Variants in TPM1 observed in about 807,000 individuals in gnomAD.
TPM1 encodes the protein tropomyosin alpha-1 chain.
In TPM1, 24 loss-of-function variants were observed where a neutral mutation model predicts 42.9. The observed-to-expected ratio is 0.56, with a 90% CI of 0.41 to 0.79. The LOEUF (loss-of-function observed/expected upper bound fraction) is 0.79, where lower values mean the gene tolerates loss of function less well. TPM1 is among the 30% of genes least tolerant of loss of function. TPM1 has a pLI of 0.00. For synonymous variants in TPM1, 136 were observed against 130.1 expected (o/e 1.05, Z -0.31); for missense variants, 158 against 351.8 (o/e 0.45, Z 4.41).
At chr15:63,068,057 CAT>C (rs2036383622), downstream of TPM1, among the ~76,000 whole-genome samples, 1 of 152,222 alleles carries the variant, frequency 6.6e-6, no homozygotes, top group Admixed American at 6.5e-5. Context: ...CCTGGCCAAA[CAT>C]TTGGGCTCAG....
chr15:63,059,516 A>C (rs1383905744), intron 3 of TPM1, 47 bp from the exon 4 acceptor site: 1 of 1,487,158 alleles, frequency 6.7e-7, no homozygotes, highest in African/African-American at 1.4e-5. Flanking sequence ...TGCATTTGGG[A>C]AGTTCAGCTC....
downstream of TPM1, chr15:63,069,892 G>A: frequency 6.2e-7 from 1 of 1,614,102 alleles, no homozygotes; most frequent in South Asian, 1.1e-5. Context: ...AGCAACTTGA[G>A]CAAAATCGCC....
At chr15:63,062,934 A>G in intron 8 of TPM1, 1 of 1,444,350 alleles carries the variant, frequency 6.9e-7, no homozygotes, top group African/African-American at 1.4e-5. Flanking sequence ...TGAGGTGCTT[A>G]TTGGTGAGAA....
chr15:63,063,031 C>A, intron 8 of TPM1: 1 of 1,323,614 alleles, frequency 7.6e-7, no homozygotes, highest in African/African-American at 1.5e-5. Context: ...TTTAGAAGAA[C>A]CCATCTTCTT....
chr15:63,048,980 A>C, intron 2 of TPM1: 2 of 476,174 alleles, frequency 4.2e-6, no homozygotes, highest in East Asian at 8.9e-5. Context: ...GCATTTTCCC[A>C]GGAAGGGTCT....
Position 63,059,165 on chromosome 15 carries a change from G to C in TPM1, c.375-398G>C, listed in dbSNP as rs137948448. Among the ~76,000 whole-genome samples, 13 of 152,270 alleles carry C rather than the reference G, an allele frequency of 8.5e-5. No homozygotes were observed. The East Asian group carries it at 2.5e-3, about 29-fold the overall frequency. On this transcript the variant is annotated intron_variant, in intron 3 of 9. Transcript: ENST00000403994. ...TAAAGATAAGTTTGATTTTGTTCTA[G>C]CTTTGGTTCATGTGCAAGCTGAGGC...
downstream of TPM1, among the ~76,000 whole-genome samples, chr15:63,069,107 C>T (rs572049938): frequency 2.5e-3 from 380 of 152,224 alleles, no homozygotes; most frequent in African/African-American, 8.7e-3. Flanking sequence ...GAGCTGAGAT[C>T]ACGCCACTGC....
intron 5 of TPM1, 157 bp from the exon 6 acceptor site, chr15:63,061,556 G>A (rs939919397): frequency 1.2e-6 from 1 of 816,252 alleles, no homozygotes; most frequent in Non-Finnish European, 2.1e-6. Flanking sequence ...AGTGTTCCTG[G>A]AAAACCTAAA....
intron 2 of TPM1, among the ~76,000 whole-genome samples, chr15:63,051,588 G>A (rs767931725): frequency 6.6e-6 from 1 of 151,888 alleles, no homozygotes; most frequent in Non-Finnish European, 1.5e-5. Context: ...GTTTAGCTTG[G>A]CTGTGGTCAC....
chr15:63,048,470 G>T, intron 2 of TPM1: 1 of 1,394,264 alleles, frequency 7.2e-7, no homozygotes. Context: ...GGCCTGGGCG[G>T]GGCGGACCGG....
At chr15:63,064,579 C>G (rs555357554) in intron 9 of TPM1, 3 of 1,043,696 alleles carry the variant, frequency 2.9e-6, no homozygotes, top group Non-Finnish European at 3.5e-6. Context: ...CTTAAAGTGT[C>G]AGGTTATTGA....
chr15:63,060,737 C>G, intron 4 of TPM1, 132 bp from the exon 5 acceptor site: 1 of 990,368 alleles, frequency 1.0e-6, no homozygotes, highest in South Asian at 1.3e-5. Flanking sequence ...CTCTGGTCTA[C>G]CAGAAAGAGG....
chr15:63,068,647 G>A (rs908934306), downstream of TPM1, among the ~76,000 whole-genome samples: 1 of 152,158 alleles, frequency 6.6e-6, no homozygotes, highest in African/African-American at 2.4e-5. Flanking sequence ...GCTGTTCCCA[G>A]TGCATACCGG....
At chr15:63,068,509 A>G (rs1230813955), downstream of TPM1, among the ~76,000 whole-genome samples, 1 of 152,226 alleles carries the variant, frequency 6.6e-6, no homozygotes, top group Non-Finnish European at 1.5e-5. Flanking sequence ...AGAACTGCTC[A>G]GTCTCCTGAC....
At chr15:63,071,495 A>C in exon 9 of TPM1, 1 of 367,100 alleles carries the variant, frequency 2.7e-6, no homozygotes, top group South Asian at 2.2e-5. Context: ...AGTCAACAGG[A>C]AGGTTAATGT....
chr15:63,048,831 C>A, intron 2 of TPM1: 1 of 1,307,992 alleles, frequency 7.6e-7, no homozygotes, highest in Non-Finnish European at 1.1e-6. Context: ...CCAGGGCGCA[C>A]CTGGCGCACC....
At chr15:63,054,539 C>G (rs1158284780) in intron 2 of TPM1, 5 of 152,206 alleles carry the variant, frequency 3.3e-5, no homozygotes, top group Non-Finnish European at 7.3e-5. Context: ...ACCTGTCACC[C>G]AGAGGGTTCT....
intron 2 of TPM1, among the ~76,000 whole-genome samples, chr15:63,049,968 G>A (rs1465365637): frequency 2.0e-5 from 3 of 152,114 alleles, no homozygotes; most frequent in Non-Finnish European, 2.9e-5. Flanking sequence ...CAAGAACTTT[G>A]GACCCAGACT....
chr15:63,069,384 C>T (rs914779522), downstream of TPM1, among the ~76,000 whole-genome samples: 1 of 152,082 alleles, frequency 6.6e-6, no homozygotes, highest in African/African-American at 2.4e-5. Context: ...GGAAAGCCTG[C>T]CCTGTGAACG....
Sources: gnomAD v4.1 joint callset for allele counts (sites outside exome capture counted in the v4.1 genomes callset) on GRCh38, gnomAD v4.1.1 for gene constraint, MANE v1.5 for transcripts, NCBI Gene and HGNC (gene_info 2026-07-23, HGNC 2026-07-21) for gene names.